Variants in GSDME observed in about 807,000 individuals in gnomAD.
The protein encoded by GSDME is gasdermin-E.
Under a neutral mutation model 47.5 loss-of-function variants are expected in GSDME, and 44 were observed. The ratio of observed to expected loss-of-function variants is 0.93; its 90% CI spans 0.73 to 1.19. The LOEUF is 1.19. GSDME is among the 50% of genes most tolerant of loss of function. The pLI, the probability that GSDME is intolerant of heterozygous loss-of-function variation, is 0.00. For missense variants in GSDME, 663 were observed against 604.2 expected (o/e 1.10, Z -1.02); for synonymous variants, 258 against 252.8 (o/e 1.02, Z -0.20).
At chr7:24,748,409 C>T (rs919893653) in intron 2 of GSDME, among the ~76,000 whole-genome samples, 4 of 152,030 alleles carry the variant, frequency 2.6e-5, no homozygotes, top group African/African-American at 7.2e-5. Context: ...CCACCAGCCT[C>T]GGCCTCCCAA....
rs528031169 is a variant in GSDME, at chr7:24,728,423, C to T, written c.405-9205G>A. Among the ~76,000 whole-genome samples, 18 of 152,274 alleles carry T rather than the reference C, an allele frequency of 1.2e-4. No individual in the cohort carries two copies. Among genetic ancestry groups the T allele is most frequent in the African/African-American group, 4.3e-4 (18 of 41,562 alleles). On this transcript the variant is annotated intron_variant, in intron 3 of 9. Coordinates refer to ENST00000645220, the MANE Select transcript of GSDME (RefSeq NM_001127453.2). This position sits in a 1 kb window ranked among gnomAD's most constrained non-coding sequence, Gnocchi z 7.2. ...CAAATGTTCTTTGCAACCAGACACCCTAACTGGTATATGAAGTGACCATCA... is the reference window on the plus strand; with the variant it reads ...CAAATGTTCTTTGCAACCAGACACCTTAACTGGTATATGAAGTGACCATCA...
the GSDME span, among the ~76,000 whole-genome samples, chr7:24,775,250 T>C: frequency 7.2e-5 from 11 of 152,334 alleles, no homozygotes; most frequent in East Asian, 2.1e-3. Flanking sequence ...TCTTTCAGAT[T>C]TCTTAGTAAC....
Position 24,729,444 on chromosome 7 carries a change from G to A in GSDME, c.405-10226C>T, listed in dbSNP as rs923102782. Among the ~76,000 whole-genome samples the A allele has an allele frequency of 5.9e-5, 9 of 152,382 alleles. No individual in the cohort carries two copies. The South Asian group carries it at 8.3e-4, about 14-fold the overall frequency. On this transcript the variant is annotated intron_variant, in intron 3 of 9. Coordinates refer to ENST00000645220, the MANE Select transcript of GSDME (RefSeq NM_001127453.2). ...GACCCCACAACAAAGGAGGCAGGGCGTTCCAGGAGGGAAACGGACACAGAC... is the reference window on the plus strand; with the variant it reads ...GACCCCACAACAAAGGAGGCAGGGCATTCCAGGAGGGAAACGGACACAGAC...
chr7:24,751,979 A>G (rs1245042082), intron 1 of GSDME, among the ~76,000 whole-genome samples: 1 of 152,198 alleles, frequency 6.6e-6, no homozygotes, highest in Non-Finnish European at 1.5e-5. Flanking sequence ...CTCATTGGAG[A>G]GAGGCATACT....
rs1444369314 is a variant in GSDME at position 24,714,816 on chromosome 7, C to T, written c.697+2438G>A. Among the ~76,000 whole-genome samples the T allele has an allele frequency of 1.3e-5, 2 of 152,192 alleles. No individual in the cohort carries two copies. The highest frequency in any genetic ancestry group is 2.9e-5 in the Non-Finnish European group (2 of 68,038). ...GAGGAAGCTCGCATGGGGACCACCA[C>T]CTAGAGTGGCAGCCCAGGCCTGGGT... On this transcript the variant is annotated intron_variant, in intron 5 of 9. Transcript: ENST00000645220. This position sits in a 1 kb window ranked among gnomAD's most constrained non-coding sequence, Gnocchi z 5.0.
At chr7:24,767,284 A>G in the GSDME span, among the ~76,000 whole-genome samples, 1 of 152,186 alleles carries the variant, frequency 6.6e-6, no homozygotes, top group African/African-American at 2.4e-5. This position sits in a 1 kb window ranked among gnomAD's most constrained non-coding sequence, Gnocchi z 5.3. Flanking sequence ...AGATTGCACC[A>G]CTGCACTCCG....
chr7:24,719,475 G>A (rs771176974), intron 3 of GSDME, among the ~76,000 whole-genome samples: 5 of 152,160 alleles, frequency 3.3e-5, no homozygotes, highest in African/African-American at 4.8e-5. Context: ...AAACAGCAGC[G>A]CCGGTTGTCA....
chr7:24,749,176 A>G (rs867578316), intron 2 of GSDME, among the ~76,000 whole-genome samples: 1 of 152,196 alleles, frequency 6.6e-6, no homozygotes, highest in Non-Finnish European at 1.5e-5. Context: ...TTCATTATAA[A>G]GTATCTGGAC....
Position 24,757,109 on chromosome 7 carries a change from G to A in GSDME, c.-20+287C>T, listed in dbSNP as rs867272607. On this transcript the variant is annotated intron_variant, in intron 1 of 9. Transcript: ENST00000645220. This position sits in a 1 kb window ranked among gnomAD's most constrained non-coding sequence, Gnocchi z 5.9. ...AGGAAGGAAGTGGCAGCGGGGACGG[G>A]GAGAGGATGGGAAGGGGATGCTGAC... Among the ~76,000 whole-genome samples the A allele has an allele frequency of 2.6e-5, 4 of 152,202 alleles. No individual in the cohort carries two copies. The highest frequency in any genetic ancestry group is 6.5e-5 in the Admixed American group (1 of 15,280).
chr7:24,752,720 A>G (rs116429382), intron 1 of GSDME, among the ~76,000 whole-genome samples: 2,580 of 152,306 alleles, frequency 0.017, 82 homozygotes, highest in African/African-American at 0.059. Flanking sequence ...GTCCAGGAAA[A>G]GAGCCACAGA....
intron 3 of GSDME, among the ~76,000 whole-genome samples, chr7:24,740,024 C>G (rs542416167): frequency 2.6e-5 from 4 of 151,082 alleles, no homozygotes; most frequent in African/African-American, 9.7e-5. Context: ...CCCTGGGAGG[C>G]GGAGGTTGCA....
chr7:24,733,493 G>A lies in GSDME; in HGVS notation c.404+11069C>T, dbSNP rs1790208555. On this transcript the variant is annotated intron_variant, in intron 3 of 9. Coordinates refer to ENST00000645220, the MANE Select transcript of GSDME (RefSeq NM_001127453.2). This position sits in a 1 kb window ranked among gnomAD's most constrained non-coding sequence, Gnocchi z 4.3. The stretch of plus-strand genomic sequence containing the variant: ...CAAGCCCTTCAAGTCTCTGATTCCA[G>A]GTTGTGGCTCTTGGATGGCATTTCT... 6.6e-6 allele frequency among the ~76,000 whole-genome samples: 1 copy of A among 152,214 alleles called. No individual in the cohort carries two copies. Among genetic ancestry groups the A allele is most frequent in the Admixed American group, 6.5e-5 (1 of 15,282 alleles).
rs764799789 is a variant in GSDME, at chr7:24,745,960, G to A, written c.212-1206C>T. Among the ~76,000 whole-genome samples the A allele has an allele frequency of 3.3e-5, 5 of 152,110 alleles. No individual in the cohort carries two copies. The highest frequency in any genetic ancestry group is 7.4e-5 in the Non-Finnish European group (5 of 68,022). ...AACCTCACACTTGGCCTTTTCCATT[G>A]TCCTGACCCAAGGCTCTCCTGGGCT... On this transcript the variant is annotated intron_variant, in intron 2 of 9. Transcript: ENST00000645220. The surrounding 1 kb of genome is among the most constrained non-coding windows in gnomAD (Gnocchi z 4.4).
intron 5 of GSDME, among the ~76,000 whole-genome samples, chr7:24,713,037 A>T (rs563107418): frequency 1.2e-4 from 18 of 151,980 alleles, no homozygotes; most frequent in Admixed American, 4.6e-4. Context: ...AAAAAAGGGA[A>T]AAGCACGCAA....
rs189113109 is a variant in GSDME, at chr7:24,724,695, C to G, written c.405-5477G>C. The G allele has an allele frequency of 3.5e-4, 54 of 152,332 alleles. No individual in the cohort carries two copies. The East Asian group carries it at 8.3e-3, about 23-fold the overall frequency. 9.4% of individuals were successfully genotyped at this position (152,332 alleles called of 1,614,324 possible). On this transcript the variant is annotated intron_variant, in intron 3 of 9. Coordinates refer to ENST00000645220, the MANE Select transcript of GSDME (RefSeq NM_001127453.2). This position sits in a 1 kb window ranked among gnomAD's most constrained non-coding sequence, Gnocchi z 4.8. ...GCCCTTCTGCGCGTACCTGGCAGGT[C>G]GATATAACACAAAGACCTGGAGTCA...
intron 9 of GSDME, among the ~76,000 whole-genome samples, chr7:24,699,565 C>G (rs1180345151): frequency 6.6e-6 from 1 of 152,146 alleles, no homozygotes; most frequent in Non-Finnish European, 1.5e-5. Context: ...GTCTCAAATT[C>G]CTGACCTCAG....
At chr7:24,709,501 C>T (rs552428655) in intron 6 of GSDME, among the ~76,000 whole-genome samples, 26 of 152,318 alleles carry the variant, frequency 1.7e-4, no homozygotes, top group African/African-American at 5.8e-4. Context: ...CTCATCGAAG[C>T]TCCACAGATG....
At position 24,735,577 on chromosome 7, in the gene GSDME, C is replaced by T. The variant is rs942981707; in HGVS notation, c.404+8985G>A. Among the ~76,000 whole-genome samples the T allele has an allele frequency of 2.6e-5, 4 of 151,844 alleles. No homozygotes were observed. The highest frequency in any genetic ancestry group is 5.9e-5 in the Non-Finnish European group (4 of 67,960). ...TTCGAGACCAGACTGCCCAACATGG[C>T]GAAACCACATCTCTACTAAAAATAC... is the stretch of plus-strand genomic sequence containing the variant. On this transcript the variant is annotated intron_variant, in intron 3 of 9. Transcript: ENST00000645220. The surrounding 1 kb of genome is among the most constrained non-coding windows in gnomAD (Gnocchi z 4.4).
chr7:24,706,159 TTC>T (rs1161155978), intron 8 of GSDME, 23 bp downstream of exon 8: 1 of 1,613,512 alleles, frequency 6.2e-7, no homozygotes, highest in Non-Finnish European at 8.5e-7. Flanking sequence ...CAGCAGCCAT[TTC>T]TTTCATTTTC....
Sources: allele counts gnomAD v4.1 joint callset (sites outside exome capture counted in the v4.1 genomes callset), GRCh38; gene constraint gnomAD v4.1.1; non-coding constraint Gnocchi (gnomAD v3.1); transcripts MANE v1.5; gene names NCBI Gene and HGNC (gene_info 2026-07-23, HGNC 2026-07-21).